Variants in RNASET2 observed in about 807,000 individuals in gnomAD.
RNASET2 encodes ribonuclease 6.
Under a neutral mutation model 33.9 loss-of-function variants are expected in RNASET2, and 28 were observed. That is an observed-to-expected ratio of 0.83 (90% confidence interval 0.61 to 1.13). The LOEUF is 1.13. Among genes scored for constraint, RNASET2 ranks in the 50% most tolerant of loss-of-function variants. The pLI is 0.00. For synonymous variants in RNASET2, 123 were observed against 121.0 expected (o/e 1.02, Z -0.11); for missense variants, 330 against 319.9 (o/e 1.03, Z -0.24).
rs912809183 is a variant in RNASET2, at chr6:166,923,274, C to G, written c.*6314G>C. On this transcript the variant is annotated 3_prime_UTR_variant, in exon 9 of 9. Coordinates refer to ENST00000508775, the MANE Select transcript of RNASET2 (RefSeq NM_003730.6). The stretch of plus-strand genomic sequence containing the variant: ...TGAGACAGAGTCTTACTCTGTTGCC[C>G]AAGCTTGAGTACAGTCTCGGCTCAC... Among the ~76,000 whole-genome samples the G allele has an allele frequency of 1.4e-5, 2 of 144,296 alleles. No individual in the cohort carries two copies. The highest frequency in any genetic ancestry group is 6.9e-5 in the Admixed American group (1 of 14,588). The allele number at this position is 144,296 out of a possible 152,430, so 94.7% of individuals were successfully genotyped here.
At position 166,948,631 on chromosome 6, in the gene RNASET2, G is replaced by A; in HGVS notation, c.148-6C>T. 1.3e-6 allele frequency: 2 copies of A among 1,523,826 alleles called. No individual in the cohort carries two copies. Among genetic ancestry groups the A allele is most frequent in the African/African-American group, 1.4e-5 (1 of 73,088 alleles). The allele number at this position is 1,523,826 out of a possible 1,614,324, so 94.4% of individuals were successfully genotyped here. The stretch of plus-strand genomic sequence containing the variant: ...CTACAGTCGTTTTGAATTTTCTAGG[G>A]AGAAAATATAACAAGAAAATGATTG... On this transcript the variant is annotated splice_polypyrimidine_tract_variant and splice_region_variant and intron_variant, in intron 2 of 8. Transcript: ENST00000508775.
intron 2 of RNASET2, 114 bp from the exon 3 acceptor site, chr6:166,948,739 G>C: frequency 1.3e-6 from 1 of 745,800 alleles, no homozygotes; most frequent in Non-Finnish European, 2.4e-6. Flanking sequence ...ACGAGATACA[G>C]GTACTGCACT....
chr6:166,942,482 A>G (rs1261059737), intron 5 of RNASET2, among the ~76,000 whole-genome samples: 2 of 152,272 alleles, frequency 1.3e-5, no homozygotes, highest in East Asian at 3.9e-4. Context: ...GAAAATTTGT[A>G]TCTTTATTTT....
intron 4 of RNASET2, among the ~76,000 whole-genome samples, chr6:166,946,320 C>T (rs1430032288): frequency 5.3e-5 from 8 of 152,156 alleles, no homozygotes; most frequent in Admixed American, 2.6e-4. Context: ...ATTCCCACGT[C>T]GGTCATCTGA....
chr6:166,950,259 C>G (rs923767157), intron 2 of RNASET2, among the ~76,000 whole-genome samples: 4 of 152,190 alleles, frequency 2.6e-5, no homozygotes, highest in Admixed American at 6.5e-5. Context: ...CCCTCCCTAT[C>G]TCAGAATGCC....
In RNASET2 at chr6:166,938,890, C is replaced by T. The variant is rs756941899; in HGVS notation, c.446+5G>A. ...GAAGTGCAGCCGGGGGAAGGGCGCA[C>T]CCACCTGTTGAGGTCCAGCTCCCTG... On this transcript the variant is annotated splice_donor_5th_base_variant and intron_variant, in intron 6 of 8. Coordinates refer to ENST00000508775, the MANE Select transcript of RNASET2 (RefSeq NM_003730.6). 7 of 1,599,204 alleles carry T rather than the reference C, an allele frequency of 4.4e-6. No homozygotes were observed. The highest frequency in any genetic ancestry group is 1.7e-6 in the Non-Finnish European group (2 of 1,166,548).
In RNASET2 at chr6:166,923,615, A is replaced by G. The variant is rs1292025401; in HGVS notation, c.*5973T>C. 6.7e-6 allele frequency among the ~76,000 whole-genome samples: 1 copy of G among 149,280 alleles called. No individual in the cohort carries two copies. The highest frequency in any genetic ancestry group is 2.5e-5 in the African/African-American group (1 of 40,424). ...TGGAAGGCCCATTACAGTCACTCAGAAAAAAAAAATAGAATTCTTATCAGA... is the reference window on the plus strand; with the variant it reads ...TGGAAGGCCCATTACAGTCACTCAGGAAAAAAAAATAGAATTCTTATCAGA... On this transcript the variant is annotated 3_prime_UTR_variant, in exon 9 of 9. Transcript: ENST00000508775.
intron 1 of RNASET2, among the ~76,000 whole-genome samples, chr6:166,955,068 A>G (rs1779073744): frequency 6.6e-6 from 1 of 152,128 alleles, no homozygotes; most frequent in South Asian, 2.1e-4. Flanking sequence ...ATCATTACCC[A>G]AATAGAAAGA....
rs1383857170 is a variant in RNASET2 at position 166,955,255 on chromosome 6, A to ACG, written c.86+840_86+841dup. 9.6e-3 allele frequency among the ~76,000 whole-genome samples: 1,060 copies of ACG among 110,178 alleles called. 26 individuals are homozygous for ACG. Among genetic ancestry groups the ACG allele is most frequent in the African/African-American group, 0.045 (1,014 of 22,572 alleles). The allele number at this position is 110,178 out of a possible 152,430, so 72.3% of individuals were successfully genotyped here. A position where few individuals can be genotyped will look rare whatever the true frequency, so the allele number is the denominator to read the frequency against. On this transcript the variant is annotated intron_variant, in intron 1 of 8. Transcript: ENST00000508775. ...CGCACGCACGCACACACACGCACAC[A>ACG]CGCACACACACACACGCGCACACAC...
intron 4 of RNASET2, chr6:166,944,010 C>T (rs1242772688): frequency 2.5e-5 from 5 of 202,624 alleles, no homozygotes; most frequent in Admixed American, 5.9e-5. Context: ...ATCCCAGCTA[C>T]TCAGGAGGCT....
Position 166,922,689 on chromosome 6 carries a change from C to T in RNASET2, c.*6899G>A, listed in dbSNP as rs1039768639. ...CATGACTTTTGATGTATGTTGTTATCTTTGGGCCACTGCTGACTATCTTTT... is the reference window on the plus strand; with the variant it reads ...CATGACTTTTGATGTATGTTGTTATTTTTGGGCCACTGCTGACTATCTTTT... On this transcript the variant is annotated 3_prime_UTR_variant, in exon 9 of 9. Coordinates refer to ENST00000508775, the MANE Select transcript of RNASET2 (RefSeq NM_003730.6). Among the ~76,000 whole-genome samples the T allele has an allele frequency of 6.6e-6, 1 of 152,204 alleles. No homozygotes were observed. Among genetic ancestry groups the T allele is most frequent in the Non-Finnish European group, 1.5e-5 (1 of 68,038 alleles).
intron 5 of RNASET2, among the ~76,000 whole-genome samples, chr6:166,942,186 G>T (rs1467432517): frequency 6.0e-5 from 9 of 150,860 alleles, no homozygotes; most frequent in Middle Eastern, 3.2e-3. Context: ...CCAAGTAGCT[G>T]GGATTACAAG....
chr6:166,929,490 C>A lies in RNASET2; in HGVS notation c.*98G>T. 8 of 1,301,348 alleles carry A rather than the reference C, an allele frequency of 6.1e-6. No individual in the cohort carries two copies. In the South Asian group the frequency reaches 8.4e-5, roughly 14 times the overall value. The allele number at this position is 1,301,348 out of a possible 1,614,324, so 80.6% of individuals were successfully genotyped here. A position where few individuals can be genotyped will look rare whatever the true frequency, so the allele number is the denominator to read the frequency against. ...ATTCACAGGCATGGAGGGGAAACAG[C>A]AAAATAAACAGACTTCACTTTGGAG... is the stretch of plus-strand genomic sequence containing the variant. On this transcript the variant is annotated 3_prime_UTR_variant, in exon 9 of 9. Transcript: ENST00000508775.
chr6:166,955,267 A>G lies in RNASET2; in HGVS notation c.86+830T>C, dbSNP rs527843755. 1.5e-3 allele frequency among the ~76,000 whole-genome samples: 138 copies of G among 90,076 alleles called. 2 individuals are homozygous for G. In the South Asian group the frequency reaches 0.017, roughly 11 times the overall value. 59.1% of individuals were successfully genotyped at this position (90,076 alleles called of 152,430 possible). ...CACACACGCACACACGCACACACAC[A>G]CACGCGCACACACGACACACACGCA... On this transcript the variant is annotated intron_variant, in intron 1 of 8. Coordinates refer to ENST00000508775, the MANE Select transcript of RNASET2 (RefSeq NM_003730.6).
chr6:166,934,327 C>T (rs1479164468), intron 6 of RNASET2, 191 bp from the exon 7 acceptor site: 1 of 603,844 alleles, frequency 1.7e-6, no homozygotes, highest in Non-Finnish European at 3.0e-6. Context: ...TTCCCCACCC[C>T]TTAGCACACA....
At chr6:166,938,532 T>C (rs765651481) in intron 6 of RNASET2, 1 of 539,666 alleles carries the variant, frequency 1.9e-6, no homozygotes, top group South Asian at 1.4e-5. Context: ...TTCCAGAGTT[T>C]CCGTCTTTCT....
intron 1 of RNASET2, chr6:166,955,412 C>T (rs1779138841): frequency 2.1e-6 from 1 of 468,742 alleles, no homozygotes; most frequent in Non-Finnish European, 2.7e-6. Context: ...CACACACGCG[C>T]ACACACACAC....
chr6:166,931,270 C>A (rs1778432516), intron 7 of RNASET2, 152 bp from the exon 8 acceptor site: 2 of 682,284 alleles, frequency 2.9e-6, no homozygotes, highest in African/African-American at 1.8e-5. Context: ...ATGCCCCCAC[C>A]TCCACCAGCG....
intron 5 of RNASET2, 49 bp downstream of exon 5, chr6:166,942,970 A>C: frequency 6.7e-7 from 1 of 1,486,676 alleles, no homozygotes; most frequent in Non-Finnish European, 9.4e-7. Context: ...CACGCTCCCC[A>C]CACCCGCTCA....
Sources: gnomAD v4.1 joint callset for allele counts (sites outside exome capture counted in the v4.1 genomes callset) on GRCh38, gnomAD v4.1.1 for gene constraint, MANE v1.5 for transcripts, NCBI Gene and HGNC (gene_info 2026-07-23, HGNC 2026-07-21) for gene names.